SPATS2: variants seen among roughly 807,000 people sequenced by gnomAD.
SPATS2 encodes spermatogenesis associated serine rich 2, also known as spermatogenesis-associated serine-rich protein 2.
Under a neutral mutation model 63.7 loss-of-function variants are expected in SPATS2, and 38 were observed. That is an observed-to-expected ratio of 0.60 (90% CI 0.46 to 0.78). The LOEUF (loss-of-function observed/expected upper bound fraction) is 0.78, where lower values mean the gene tolerates loss of function less well. SPATS2 is among the 30% of genes least tolerant of loss of function. SPATS2 has a pLI of 0.00. For synonymous variants in SPATS2, 207 were observed against 232.9 expected, an observed-to-expected ratio of 0.89 and a Z score of 1.01; for missense variants, 588 against 666.2, an observed-to-expected ratio of 0.88 and a Z score of 1.29.
At chr12:49,412,885 G>A (rs2137369458) in intron 2 of SPATS2, among the ~76,000 whole-genome samples, 1 of 152,230 alleles carries the variant, frequency 6.6e-6, no homozygotes, top group East Asian at 1.9e-4. Flanking sequence ...TTGGATAAAT[G>A]TTAAAACAAT....
chr12:49,461,433 GTTC>G (rs2137680295), intron 3 of SPATS2, among the ~76,000 whole-genome samples: 1 of 152,294 alleles, frequency 6.6e-6, no homozygotes. Context: ...TTCCGGGAAT[GTTC>G]TTCTAGCTTC....
intron 2 of SPATS2, among the ~76,000 whole-genome samples, chr12:49,445,350 GA>G (rs1945492086): frequency 6.6e-6 from 1 of 152,010 alleles, no homozygotes; most frequent in Non-Finnish European, 1.5e-5. Flanking sequence ...ATGATCATGT[GA>G]CTTTTATCAT....
intron 3 of SPATS2, among the ~76,000 whole-genome samples, chr12:49,482,075 G>A (rs1234170879): frequency 3.3e-5 from 5 of 152,182 alleles, no homozygotes; most frequent in African/African-American, 2.4e-5. Flanking sequence ...TTAAAGTAAG[G>A]TTTTGAATCT....
intron 3 of SPATS2, among the ~76,000 whole-genome samples, chr12:49,464,963 A>T (rs1274833859): frequency 6.6e-6 from 1 of 152,206 alleles, no homozygotes; most frequent in South Asian, 2.1e-4. Flanking sequence ...GAAATTTCAT[A>T]TACACATATT....
chr12:49,394,837 C>T (rs1003134895), intron 2 of SPATS2, among the ~76,000 whole-genome samples: 17 of 152,040 alleles, frequency 1.1e-4, no homozygotes, highest in South Asian at 1.0e-3. Flanking sequence ...TTTGGGAGGC[C>T]GAGGCAGGTG....
At chr12:49,413,973 G>A (rs1171408164) in intron 2 of SPATS2, among the ~76,000 whole-genome samples, 1 of 152,184 alleles carries the variant, frequency 6.6e-6, no homozygotes, top group East Asian at 1.9e-4. Flanking sequence ...GGAGGGATCA[G>A]CCCTACTGCC....
intron 2 of SPATS2, among the ~76,000 whole-genome samples, chr12:49,397,891 TGTAATCC>T (rs1364796163): frequency 1.4e-5 from 2 of 144,474 alleles, no homozygotes; most frequent in Non-Finnish European, 3.0e-5. Context: ...GGCCCACATC[TGTAATCC>T]CAGCACTGTG....
chr12:49,435,329 C>CT lies in SPATS2; in HGVS notation c.-243-25429dup, dbSNP rs1330738030. ...ACAGGCGTGAGCCACTGTGCCTGGC[C>CT]TTTTTTTTTTTTAAAGATAAGGTCT... On this transcript the variant is annotated intron_variant, in intron 2 of 13. Transcript: ENST00000552918. 3.3e-3 allele frequency among the ~76,000 whole-genome samples: 398 copies of CT among 120,484 alleles called. 1 individual carries two copies. The highest frequency in any genetic ancestry group is 7.1e-3 in the Middle Eastern group (1 of 140). The allele number at this position is 120,484 out of a possible 152,430, so 79.0% of individuals were successfully genotyped here.
chr12:49,417,722 G>A (rs1216312570), intron 2 of SPATS2, among the ~76,000 whole-genome samples: 1 of 152,170 alleles, frequency 6.6e-6, no homozygotes, highest in Non-Finnish European at 1.5e-5. Flanking sequence ...CAATAGCCTA[G>A]CAAATAGAAA....
At chr12:49,492,070 A>G (rs542937456) in intron 6 of SPATS2, among the ~76,000 whole-genome samples, 2 of 152,272 alleles carry the variant, frequency 1.3e-5, no homozygotes, top group Admixed American at 6.5e-5. Context: ...AATTTTTTCC[A>G]AGGGTTACCT....
At chr12:49,411,042 T>G (rs553596992) in intron 2 of SPATS2, among the ~76,000 whole-genome samples, 1 of 152,252 alleles carries the variant, frequency 6.6e-6, no homozygotes, top group South Asian at 2.1e-4. Context: ...CCTAAACTTT[T>G]GCCCTGTGGG....
chr12:49,401,678 T>C (rs1475280607), intron 2 of SPATS2, among the ~76,000 whole-genome samples: 1 of 152,182 alleles, frequency 6.6e-6, no homozygotes, highest in Non-Finnish European at 1.5e-5. Context: ...TCTTTTCTTT[T>C]TTAGTTTTTG....
At chr12:49,525,155 C>T (rs926196471) in intron 13 of SPATS2, among the ~76,000 whole-genome samples, 6 of 152,204 alleles carry the variant, frequency 3.9e-5, no homozygotes, top group African/African-American at 1.4e-4. Context: ...ATAGTATTGC[C>T]TGGTAATTAG....
intron 3 of SPATS2, among the ~76,000 whole-genome samples, chr12:49,470,883 CA>C (rs1946023493): frequency 6.6e-6 from 1 of 152,212 alleles, no homozygotes; most frequent in Non-Finnish European, 1.5e-5. Flanking sequence ...AATTTAAGCT[CA>C]GACTTCCTTT....
chr12:49,469,542 TAA>T (rs748722366), intron 3 of SPATS2: 17,967 of 297,464 alleles, frequency 0.06, no homozygotes, highest in South Asian at 0.076. Context: ...GCTGGGTCTC[TAA>T]AAAAAAAAAA....
chr12:49,374,884 C>T (rs537492866), intron 2 of SPATS2, among the ~76,000 whole-genome samples: 9 of 142,222 alleles, frequency 6.3e-5, no homozygotes, highest in East Asian at 4.1e-4. Context: ...TCACTTGAAC[C>T]TGGCAGGCGG....
intron 2 of SPATS2, among the ~76,000 whole-genome samples, chr12:49,408,252 CTTT>C (rs201465422): frequency 5.1e-5 from 7 of 137,066 alleles, no homozygotes; most frequent in Admixed American, 1.5e-4. Flanking sequence ...TAGTATTCTT[CTTT>C]TTTTTTTTTT....
At chr12:49,496,391 G>T (rs1946464264) in intron 7 of SPATS2, among the ~76,000 whole-genome samples, 1 of 152,180 alleles carries the variant, frequency 6.6e-6, no homozygotes, top group Admixed American at 6.5e-5. Flanking sequence ...GGGATTACTG[G>T]CGTGAGCCAC....
At chr12:49,437,198 G>A (rs1342935789) in intron 2 of SPATS2, among the ~76,000 whole-genome samples, 6 of 151,710 alleles carry the variant, frequency 4.0e-5, no homozygotes, top group East Asian at 2.0e-4. Flanking sequence ...CAGACGGGGC[G>A]GCCGGGCAGA....
Sources: allele counts gnomAD v4.1 joint callset (sites outside exome capture counted in the v4.1 genomes callset), GRCh38; gene constraint gnomAD v4.1.1; transcripts MANE v1.5; gene names NCBI Gene and HGNC (gene_info 2026-07-23, HGNC 2026-07-21).